USP34: variants seen among roughly 807,000 people sequenced by gnomAD.
USP34 encodes ubiquitin carboxyl-terminal hydrolase 34.
A neutral mutation model predicts 460.3 loss-of-function variants in USP34; 70 were observed. The observed-to-expected ratio is 0.15, with a 90% CI of 0.13 to 0.19. The LOEUF is 0.19. USP34 is among the 10% of genes least tolerant of loss of function. USP34 has a pLI of 1.00. For synonymous variants in USP34, 1,647 were observed against 1,405.3 expected (o/e 1.17, Z -3.85); for missense variants, 3,985 against 4,236.2 (o/e 0.94, Z 1.65).
In USP34 at chr2:61,232,440, A is replaced by G; in HGVS notation, c.7113+12T>C. 1 of 1,592,320 alleles carries G rather than the reference A, an allele frequency of 6.3e-7. No individual in the cohort carries two copies. Among genetic ancestry groups the G allele is most frequent in the East Asian group, 2.2e-5 (1 of 44,652 alleles). On this transcript the variant is annotated intron_variant, in intron 58 of 79. Coordinates refer to ENST00000398571, the MANE Select transcript of USP34 (RefSeq NM_014709.4). ...TTTCCAAATAATTTTTTTCAAACAT[A>G]TTTTTCCTTACCTGTCTCACAATTT... is the stretch of plus-strand genomic sequence containing the variant.
intron 10 of USP34, among the ~76,000 whole-genome samples, chr2:61,360,281 T>A (rs1342948917): frequency 6.6e-6 from 1 of 152,066 alleles, no homozygotes; most frequent in Non-Finnish European, 1.5e-5. Context: ...TGATCATATA[T>A]ATGTAGAAAA....
At chr2:61,363,658 T>C (rs1184258241) in intron 10 of USP34, among the ~76,000 whole-genome samples, 1 of 152,254 alleles carries the variant, frequency 6.6e-6, no homozygotes, top group Non-Finnish European at 1.5e-5. Context: ...CTGTTGTATA[T>C]GTATGTGGTG....
At chr2:61,196,673 T>C (rs1474580171) in intron 75 of USP34, among the ~76,000 whole-genome samples, 1 of 152,006 alleles carries the variant, frequency 6.6e-6, no homozygotes, top group Non-Finnish European at 1.5e-5. Flanking sequence ...CTGGGACTAC[T>C]GGTGTGTGCT....
intron 27 of USP34, among the ~76,000 whole-genome samples, chr2:61,308,212 G>A (rs1690474309): frequency 6.6e-6 from 1 of 151,964 alleles, no homozygotes; most frequent in African/African-American, 2.4e-5. Flanking sequence ...TACATTGAAT[G>A]CAAATAATCT....
chr2:61,281,364 C>G (rs1266227639), intron 37 of USP34, 122 bp from the exon 38 acceptor site: 3 of 1,279,492 alleles, frequency 2.3e-6, no homozygotes, highest in Non-Finnish European at 3.2e-6. Context: ...GTAATCCCAG[C>G]ACTTTTGGAG....
At chr2:61,348,661 C>A in intron 14 of USP34, 95 bp downstream of exon 14, 3 of 1,477,656 alleles carry the variant, frequency 2.0e-6, no homozygotes, top group Non-Finnish European at 2.7e-6. Context: ...AGAGGACAAG[C>A]CCAAACATGA....
intron 5 of USP34, among the ~76,000 whole-genome samples, chr2:61,391,372 G>A (rs1306356273): frequency 6.6e-6 from 1 of 151,918 alleles, no homozygotes; most frequent in Non-Finnish European, 1.5e-5. Context: ...AAACAGAATG[G>A]GATCATTTCC....
intron 48 of USP34, among the ~76,000 whole-genome samples, chr2:61,254,663 A>G (rs1688675370): frequency 1.3e-5 from 2 of 152,228 alleles, no homozygotes; most frequent in African/African-American, 4.8e-5. Context: ...ATGGCTCTTA[A>G]GAGCCTTTTG....
chr2:61,327,030 C>T (rs1188867556), intron 20 of USP34, among the ~76,000 whole-genome samples: 2 of 152,066 alleles, frequency 1.3e-5, no homozygotes, highest in Non-Finnish European at 2.9e-5. Flanking sequence ...AGGTGACCCA[C>T]CCACCTTGGC....
At chr2:61,315,611 C>A (rs1356843201) in intron 23 of USP34, among the ~76,000 whole-genome samples, 1 of 151,952 alleles carries the variant, frequency 6.6e-6, no homozygotes, top group South Asian at 2.1e-4. Flanking sequence ...CCAACCTCAG[C>A]TGATCCACCC....
intron 76 of USP34, 173 bp from the exon 77 acceptor site, chr2:61,190,831 A>G (rs1686618699): frequency 1.5e-6 from 1 of 685,280 alleles, no homozygotes; most frequent in Admixed American, 3.4e-5. Context: ...GTTAACAGCA[A>G]CTATTTTTCA....
chr2:61,443,405 A>T (rs547372303), intron 1 of USP34, among the ~76,000 whole-genome samples: 1 of 152,294 alleles, frequency 6.6e-6, no homozygotes, highest in African/African-American at 2.4e-5. Flanking sequence ...TGCATAAAAA[A>T]ATCACTACAT....
intron 5 of USP34, among the ~76,000 whole-genome samples, chr2:61,387,632 A>G (rs1176351210): frequency 5.4e-5 from 8 of 147,420 alleles, no homozygotes; most frequent in African/African-American, 9.9e-5. Context: ...TTTTACATAT[A>G]CACACATATA....
chr2:61,417,069 G>T, intron 2 of USP34: 1 of 1,373,564 alleles, frequency 7.3e-7, no homozygotes, highest in Non-Finnish European at 1.0e-6. Context: ...ACTTGGCCCT[G>T]AGCAGGACCT....
chr2:61,214,011 T>C lies in USP34; in HGVS notation c.8682+49A>G, dbSNP rs778211145. On this transcript the variant is annotated intron_variant, in intron 68 of 79. Coordinates refer to ENST00000398571, the MANE Select transcript of USP34 (RefSeq NM_014709.4). ...CTTCCCACCAGGGGAAAAACAGGTATTTCCAATCTATTTGAGGATACAGAT... is the reference window on the plus strand; with the variant it reads ...CTTCCCACCAGGGGAAAAACAGGTACTTCCAATCTATTTGAGGATACAGAT... 5.6e-6 allele frequency: 9 copies of C among 1,603,398 alleles called. No individual in the cohort carries two copies. In the South Asian group the frequency reaches 7.9e-5, roughly 14 times the overall value.
At chr2:61,353,566 T>C (rs1208854469) in intron 10 of USP34, among the ~76,000 whole-genome samples, 1 of 125,080 alleles carries the variant, frequency 8.0e-6, no homozygotes, top group Middle Eastern at 3.9e-3. Context: ...TAGTTTTGTT[T>C]TTGTTTTTGT....
chr2:61,455,932 G>C (rs1448004909), intron 1 of USP34, among the ~76,000 whole-genome samples: 1 of 152,076 alleles, frequency 6.6e-6, no homozygotes, highest in Admixed American at 6.6e-5. Flanking sequence ...ATAAATGACA[G>C]GAGCAAGATT....
chr2:61,298,572 A>AAAAAAAAAAAAAAAC (rs1690115222), intron 29 of USP34, among the ~76,000 whole-genome samples: 5 of 130,152 alleles, frequency 3.8e-5, no homozygotes, highest in African/African-American at 5.7e-5. Flanking sequence ...AAAAAAAAAA[A>AAAAAAAAAAAAAAAC]TCTGCTGAAA....
intron 1 of USP34, among the ~76,000 whole-genome samples, chr2:61,432,247 G>T (rs1026178215): frequency 1.3e-5 from 2 of 151,926 alleles, no homozygotes; most frequent in African/African-American, 4.8e-5. Flanking sequence ...GCCAAGGTGG[G>T]CAGATGGCTT....
Sources: allele counts gnomAD v4.1 joint callset (sites outside exome capture counted in the v4.1 genomes callset), GRCh38; gene constraint gnomAD v4.1.1; transcripts MANE v1.5; gene names NCBI Gene and HGNC (gene_info 2026-07-23, HGNC 2026-07-21).